PCDHGA9: variants seen among roughly 807,000 people sequenced by gnomAD.
PCDHGA9 encodes the protein protocadherin gamma-A9.
Under a neutral mutation model 62.5 loss-of-function variants are expected in PCDHGA9, and 37 were observed. The ratio of observed to expected loss-of-function variants is 0.59; its 90% CI spans 0.46 to 0.78. The LOEUF (loss-of-function observed/expected upper bound fraction) is 0.78. PCDHGA9 is among the 30% of genes least tolerant of loss of function. The pLI is 0.00. For missense variants in PCDHGA9, 1,138 were observed against 1,166.2 expected (o/e 0.98, Z 0.35); for synonymous variants, 459 against 484.6 (o/e 0.95, Z 0.69).
intron 1 of PCDHGA9, chr5:141,426,767 A>C (rs1219028777): frequency 2.2e-6 from 1 of 456,666 alleles, no homozygotes. Flanking sequence ...ATGCAGATGT[A>C]GGGCCTCACT....
In PCDHGA9 at chr5:141,489,594, TGTAGAG is replaced by T. The variant is rs1298302866; in HGVS notation, c.2425-5206_2425-5201del. 1 of 1,613,958 alleles carries T rather than the reference TGTAGAG, an allele frequency of 6.2e-7. No homozygotes were observed. The highest frequency in any genetic ancestry group is 1.3e-5 in the African/African-American group (1 of 74,906). ...CTGAACACCCCCTGGAGCTAATCCG[TGTAGAG>T]GTAGAGATCCTGGATCTCAATGACA... On this transcript the variant is annotated intron_variant, in intron 1 of 3. Coordinates refer to ENST00000573521, the MANE Select transcript of PCDHGA9 (RefSeq NM_018921.3). The surrounding 1 kb of genome is among the most constrained non-coding windows in gnomAD (Gnocchi z 4.5).
At position 141,477,572 on chromosome 5, in the gene PCDHGA9, G is replaced by A. The variant is rs375416133; in HGVS notation, c.2425-17235G>A. The A allele has an allele frequency of 6.2e-7, 1 of 1,614,112 alleles. No homozygotes were observed. The highest frequency in any genetic ancestry group is 8.5e-7 in the Non-Finnish European group (1 of 1,180,030). On this transcript the variant is annotated intron_variant, in intron 1 of 3. Coordinates refer to ENST00000573521, the MANE Select transcript of PCDHGA9 (RefSeq NM_018921.3). This position sits in a 1 kb window ranked among gnomAD's most constrained non-coding sequence, Gnocchi z 4.9. ...AAACCTAAGTGTCTGGGACCCCGAC[G>A]CCCCGCAGAATGCTCGGCTTTCTTT...
At chr5:141,461,507 T>C (rs1271911872) in intron 1 of PCDHGA9, among the ~76,000 whole-genome samples, 1 of 152,316 alleles carries the variant, frequency 6.6e-6, no homozygotes, top group East Asian at 1.9e-4. Context: ...TTCTTGGTGA[T>C]TTGTTAGTTC....
At chr5:141,417,932 T>A (rs1398348549) in intron 1 of PCDHGA9, 2 of 1,611,670 alleles carry the variant, frequency 1.2e-6, no homozygotes, top group East Asian at 4.5e-5. Flanking sequence ...GCTGCCTTTG[T>A]TCTACCCCAC....
intron 1 of PCDHGA9, among the ~76,000 whole-genome samples, chr5:141,468,777 A>T (rs2099178581): frequency 6.7e-6 from 1 of 150,364 alleles, no homozygotes; most frequent in Non-Finnish European, 1.5e-5. Flanking sequence ...GAGGCAGGAG[A>T]ATGGCGTGAA....
chr5:141,469,747 C>T (rs1392088794), intron 1 of PCDHGA9, among the ~76,000 whole-genome samples: 1 of 152,134 alleles, frequency 6.6e-6, no homozygotes, highest in Non-Finnish European at 1.5e-5. Context: ...TCAAAAATTA[C>T]AAAAATACAT....
chr5:141,403,925 G>A lies in PCDHGA9; in HGVS notation c.973G>A (p.Gly325Arg). 1 of 1,613,868 alleles carries A rather than the reference G, an allele frequency of 6.2e-7. No homozygotes were observed. Among genetic ancestry groups the A allele is most frequent in the South Asian group, 1.1e-5 (1 of 91,076 alleles). ...AATGGAAATACAAGCTGAAGATGGT[G>A]GGGGATTGAAAGGGTGGACAAAAGT... ...YEMEIQAEDG[G>R]GLKGWTKVLI... Residue 325 changes from glycine (G) to arginine (R), a missense_variant, in exon 1 of 4, where the codon GGG becomes AGG. Physicochemically the swap from Gly to Arg is moderately radical, Grantham distance 125. Coordinates refer to ENST00000573521, the MANE Select transcript of PCDHGA9 (RefSeq NM_018921.3).
At chr5:141,478,629 T>A in intron 1 of PCDHGA9, 1 of 1,553,688 alleles carries the variant, frequency 6.4e-7, no homozygotes, top group Non-Finnish European at 8.7e-7. Context: ...AGCTGTTTTT[T>A]TAGTGATGAA....
intron 1 of PCDHGA9, chr5:141,433,041 C>G (rs1171788078): frequency 6.2e-7 from 1 of 1,614,036 alleles, no homozygotes; most frequent in Non-Finnish European, 8.5e-7. Flanking sequence ...TCCCTCACCA[C>G]GGACTCGCGG....
chr5:141,453,302 T>C (rs189741118), intron 1 of PCDHGA9, among the ~76,000 whole-genome samples: 18 of 152,008 alleles, frequency 1.2e-4, no homozygotes, highest in Middle Eastern at 6.8e-3. Flanking sequence ...TTTATTTATT[T>C]ATTTATTTAT....
chr5:141,485,341 G>C lies in PCDHGA9; in HGVS notation c.2425-9466G>C. 1.2e-6 allele frequency: 2 copies of C among 1,614,118 alleles called. No homozygotes were observed. Among genetic ancestry groups the C allele is most frequent in the Non-Finnish European group, 8.5e-7 (1 of 1,180,022 alleles). ...TCGCTCAAGATTTCCTGCTGGATAC[G>C]GACAGTCTGTCAGCTCGCAGGCTGC... On this transcript the variant is annotated intron_variant, in intron 1 of 3. Coordinates refer to ENST00000573521, the MANE Select transcript of PCDHGA9 (RefSeq NM_018921.3). The surrounding 1 kb of genome is among the most constrained non-coding windows in gnomAD (Gnocchi z 5.7).
At chr5:141,440,428 C>A (rs1001845529) in intron 1 of PCDHGA9, 1 of 152,132 alleles carries the variant, frequency 6.6e-6, no homozygotes, top group Non-Finnish European at 1.5e-5. Context: ...GCCTGGGTGA[C>A]AGAGCAAGGC....
chr5:141,489,991 A>G lies in PCDHGA9; in HGVS notation c.2425-4816A>G, dbSNP rs1157441385. On this transcript the variant is annotated intron_variant, in intron 1 of 3. Coordinates refer to ENST00000573521, the MANE Select transcript of PCDHGA9 (RefSeq NM_018921.3). The surrounding 1 kb of genome is among the most constrained non-coding windows in gnomAD (Gnocchi z 4.5). Reference sequence around the variant, plus strand: ...CCAATCCTCAGTTCTACGTGTGGGAATCCCAGAGAATGCACCCATTGGTAC... The same window carrying G: ...CCAATCCTCAGTTCTACGTGTGGGAGTCCCAGAGAATGCACCCATTGGTAC... The G allele has an allele frequency of 6.2e-7, 1 of 1,614,228 alleles. No individual in the cohort carries two copies. Among genetic ancestry groups the G allele is most frequent in the South Asian group, 1.1e-5 (1 of 91,090 alleles).
In PCDHGA9 at chr5:141,477,891, G is replaced by T. The variant is rs750359063; in HGVS notation, c.2425-16916G>T. 10 of 1,614,066 alleles carry T rather than the reference G, an allele frequency of 6.2e-6. No individual in the cohort carries two copies. The African/African-American group carries it at 1.2e-4, about 19-fold the overall frequency. ...ACCTCAGCTGGCCACCTAGTGTCAC[G>T]GGTGGTAGGCTGGGACGCGGATGCA... is the stretch of plus-strand genomic sequence containing the variant. On this transcript the variant is annotated intron_variant, in intron 1 of 3. Coordinates refer to ENST00000573521, the MANE Select transcript of PCDHGA9 (RefSeq NM_018921.3). This position sits in a 1 kb window ranked among gnomAD's most constrained non-coding sequence, Gnocchi z 4.9.
chr5:141,491,454 C>G lies in PCDHGA9; in HGVS notation c.2425-3353C>G. ...GCTGCAGGCGCCAGGACTCACCCTCCCCGGACTTCTATAAGCAGTCCAGCC... is the reference window on the plus strand; with the variant it reads ...GCTGCAGGCGCCAGGACTCACCCTCGCCGGACTTCTATAAGCAGTCCAGCC... On this transcript the variant is annotated intron_variant, in intron 1 of 3. Coordinates refer to ENST00000573521, the MANE Select transcript of PCDHGA9 (RefSeq NM_018921.3). This position sits in a 1 kb window ranked among gnomAD's most constrained non-coding sequence, Gnocchi z 6.9. The G allele has an allele frequency of 6.2e-7, 1 of 1,614,120 alleles. No individual in the cohort carries two copies. Among genetic ancestry groups the G allele is most frequent in the Non-Finnish European group, 8.5e-7 (1 of 1,180,032 alleles).
chr5:141,477,253 G>A lies in PCDHGA9; in HGVS notation c.2425-17554G>A, dbSNP rs1303718568. The A allele has an allele frequency of 1.9e-6, 3 of 1,614,154 alleles. No individual in the cohort carries two copies. The highest frequency in any genetic ancestry group is 2.2e-5 in the South Asian group (2 of 91,070). Reference sequence around the variant, plus strand: ...TCGCTTTGCTCAGTGTGACTGACCTGGATGCTGGCGAGAACGGGCTGGTGA... The same window carrying A: ...TCGCTTTGCTCAGTGTGACTGACCTAGATGCTGGCGAGAACGGGCTGGTGA... On this transcript the variant is annotated intron_variant, in intron 1 of 3. Transcript: ENST00000573521. This position sits in a 1 kb window ranked among gnomAD's most constrained non-coding sequence, Gnocchi z 4.9.
At chr5:141,472,884 G>A (rs1426207609) in intron 1 of PCDHGA9, among the ~76,000 whole-genome samples, 2 of 151,610 alleles carry the variant, frequency 1.3e-5, no homozygotes, top group African/African-American at 4.8e-5. Flanking sequence ...TACTCGGGAG[G>A]CTGAGGCAGG....
Position 141,491,622 on chromosome 5 carries a change from C to T in PCDHGA9, c.2425-3185C>T, listed in dbSNP as rs980546113. 15 of 1,613,786 alleles carry T rather than the reference C, an allele frequency of 9.3e-6. No individual in the cohort carries two copies. Among genetic ancestry groups the T allele is most frequent in the Non-Finnish European group, 1.3e-5 (15 of 1,180,002 alleles). Reference sequence around the variant, plus strand: ...ACTTCACTTTTCTAAGACCCCTCAGCGTTCAGCAGCCCACAGCTCTGGCGC... The same window carrying T: ...ACTTCACTTTTCTAAGACCCCTCAGTGTTCAGCAGCCCACAGCTCTGGCGC... On this transcript the variant is annotated intron_variant, in intron 1 of 3. Transcript: ENST00000573521. This position sits in a 1 kb window ranked among gnomAD's most constrained non-coding sequence, Gnocchi z 6.9.
rs1185020546 is a variant in PCDHGA9, at chr5:141,485,472, C to A, written c.2425-9335C>A. 3 of 1,614,138 alleles carry A rather than the reference C, an allele frequency of 1.9e-6. No homozygotes were observed. Among genetic ancestry groups the A allele is most frequent in the Non-Finnish European group, 2.5e-6 (3 of 1,180,022 alleles). On this transcript the variant is annotated intron_variant, in intron 1 of 3. Transcript: ENST00000573521. The surrounding 1 kb of genome is among the most constrained non-coding windows in gnomAD (Gnocchi z 5.7). The stretch of plus-strand genomic sequence containing the variant: ...CGAGAGGCACTGTGTGGGCTCAGTG[C>A]CAGCTGCATCGTGCCCCTGGAGTTT...
Sources: allele counts gnomAD v4.1 joint callset (sites outside exome capture counted in the v4.1 genomes callset), GRCh38; gene constraint gnomAD v4.1.1; non-coding constraint Gnocchi (gnomAD v3.1); transcripts MANE v1.5; gene names NCBI Gene and HGNC (gene_info 2026-07-23, HGNC 2026-07-21).